KDM3B: variants seen among roughly 807,000 people sequenced by gnomAD.
KDM3B encodes lysine demethylase 3B.
In KDM3B, 10 loss-of-function variants were observed where a neutral mutation model predicts 170.0. The observed-to-expected ratio is 0.06, with a 90% CI of 0.04 to 0.10. The LOEUF (loss-of-function observed/expected upper bound fraction) is 0.10, where lower values mean the gene tolerates loss of function less well. Among genes scored for constraint, KDM3B ranks in the 10% least tolerant of loss-of-function variants. The pLI is 1.00. For missense variants in KDM3B, 1,394 were observed against 2,195.2 expected (o/e 0.64, Z 7.29); for synonymous variants, 831 against 834.8 (o/e 1.00, Z 0.08).
chr5:138,407,950 TC>T (rs1443809151), intron 11 of KDM3B, among the ~76,000 whole-genome samples: 3 of 152,194 alleles, frequency 2.0e-5, no homozygotes, highest in Non-Finnish European at 2.9e-5. Flanking sequence ...GGTAAGGTTT[TC>T]CATTTAATGA....
At position 138,427,958 on chromosome 5, in the gene KDM3B, C is replaced by G; in HGVS notation, c.4634-9C>G. The G allele has an allele frequency of 5.6e-6, 9 of 1,608,922 alleles. No individual in the cohort carries two copies. The highest frequency in any genetic ancestry group is 7.6e-6 in the Non-Finnish European group (9 of 1,177,774). On this transcript the variant is annotated splice_polypyrimidine_tract_variant and intron_variant, in intron 19 of 23. Coordinates refer to ENST00000314358, the MANE Select transcript of KDM3B (RefSeq NM_016604.4). ...CCCTTCACCTTGCATATTTTCCTTT[C>G]TCCTTTAGGGTTGATAACAGCAGAA...
chr5:138,427,483 T>C (rs1763426456), intron 19 of KDM3B, among the ~76,000 whole-genome samples, 164 bp downstream of exon 19: 1 of 152,232 alleles, frequency 6.6e-6, no homozygotes, highest in Non-Finnish European at 1.5e-5. Flanking sequence ...TTTTGTCATA[T>C]TGGTTTTCAT....
At chr5:138,375,261 T>G in intron 3 of KDM3B, 55 bp downstream of exon 3, 1 of 1,108,552 alleles carries the variant, frequency 9.0e-7, no homozygotes, top group Non-Finnish European at 1.4e-6. Flanking sequence ...TGCTAATTTC[T>G]TTGTTGATAT....
At position 138,391,222 on chromosome 5, in the gene KDM3B, G is replaced by T. The variant is rs777519036; in HGVS notation, c.1590G>T (p.Met530Ile). 1.9e-6 allele frequency: 3 copies of T among 1,613,958 alleles called. 1 individual carries two copies. The South Asian group carries it at 3.3e-5, about 18-fold the overall frequency. ...CCAAAAACTTGTTTTTTCAATGCAT[G>T]TCCCAAACTTTACCTACCAGTAACT... ...DLSKNLFFQC[M>I]SQTLPTSNYF... Residue 530 changes from methionine (M) to isoleucine (I), a missense_variant, in exon 8 of 24, where the codon ATG (methionine) becomes ATT (isoleucine). Physicochemically the swap from Met to Ile is conservative, Grantham distance 10. This residue lies in a region of KDM3B where 294 missense variants were observed against 311.7 expected (regional missense o/e 0.94). Coordinates refer to ENST00000314358, the MANE Select transcript of KDM3B (RefSeq NM_016604.4). This position sits in a 1 kb window ranked among gnomAD's most constrained non-coding sequence, Gnocchi z 5.0.
At chr5:138,399,238 G>T (rs1043276633) in intron 10 of KDM3B, among the ~76,000 whole-genome samples, 15 of 151,014 alleles carry the variant, frequency 9.9e-5, no homozygotes, top group Non-Finnish European at 2.2e-4. Context: ...AACTCCCCCA[G>T]TTAAAAATTT....
At chr5:138,381,372 G>A (rs1036605998) in intron 5 of KDM3B, 144 bp from the exon 6 acceptor site, 2 of 595,682 alleles carry the variant, frequency 3.4e-6, no homozygotes, top group African/African-American at 3.7e-5. Context: ...CAGTAAATGA[G>A]ACAGTAGAGA....
chr5:138,424,200 G>A lies in KDM3B; in HGVS notation c.4098G>A (p.Val1366=), dbSNP rs771965473. The change falls in exon 16 of 24, where the codon GTG becomes GTA. Residue 1366 remains valine (V), a synonymous_variant. Transcript: ENST00000314358. ...ACNLTDTQKE[V]KEMVMGLNVL... Reference sequence around the variant, plus strand: ...ACTTGACTGATACCCAGAAGGAAGTGAAGGAGATGGTGATGGGGTTAAATG... The same window carrying A: ...ACTTGACTGATACCCAGAAGGAAGTAAAGGAGATGGTGATGGGGTTAAATG... The A allele has an allele frequency of 2.1e-5, 34 of 1,614,026 alleles. No individual in the cohort carries two copies. In the African/African-American group the frequency reaches 4.1e-4, roughly 20 times the overall value.
At chr5:138,399,115 C>T (rs1236165618) in intron 10 of KDM3B, among the ~76,000 whole-genome samples, 5 of 151,552 alleles carry the variant, frequency 3.3e-5, no homozygotes, top group Admixed American at 6.6e-5. Flanking sequence ...GTCTCGATCT[C>T]CTGACCTCGT....
At chr5:138,415,035 A>G in intron 11 of KDM3B, 97 bp from the exon 12 acceptor site, 4 of 667,870 alleles carry the variant, frequency 6.0e-6, no homozygotes, top group Non-Finnish European at 1.0e-5. Flanking sequence ...TCCTTCAGCC[A>G]TGAGAAAATT....
At position 138,364,009 on chromosome 5, in the gene KDM3B, C is replaced by T. The variant is rs1375979468; in HGVS notation, c.193-8665C>T. On this transcript the variant is annotated intron_variant, in intron 1 of 23. Transcript: ENST00000314358. ...TGTGCTCACTGCAACCTCCGCCTCCCGACTTCAAGTCATTCTCCTTCCTCA... is the reference window on the plus strand; with the variant it reads ...TGTGCTCACTGCAACCTCCGCCTCCTGACTTCAAGTCATTCTCCTTCCTCA... Among the ~76,000 whole-genome samples the T allele has an allele frequency of 4.0e-5, 6 of 151,816 alleles. No individual in the cohort carries two copies. The East Asian group carries it at 5.8e-4, about 15-fold the overall frequency.
intron 1 of KDM3B, among the ~76,000 whole-genome samples, chr5:138,357,926 A>T (rs543569799): frequency 6.6e-6 from 1 of 151,728 alleles, no homozygotes; most frequent in Non-Finnish European, 1.5e-5. Flanking sequence ...ACCTCAGGTG[A>T]TCCACCCACC....
chr5:138,363,113 GA>G (rs1375346878), intron 1 of KDM3B, among the ~76,000 whole-genome samples: 2 of 151,926 alleles, frequency 1.3e-5, no homozygotes, highest in Non-Finnish European at 2.9e-5. Context: ...AAGGTAGAGG[GA>G]AAGTCTTCCA....
rs1580902363 is a variant in KDM3B at position 138,386,583 on chromosome 5, G to C, written c.1342G>C (p.Glu448Gln). ...TGGCCTTGCAGCAGGGACTGTGCCAGAAAAACAGAAAGGCAGCCGGTCGCA... is the reference window on the plus strand; with the variant it reads ...TGGCCTTGCAGCAGGGACTGTGCCACAAAAACAGAAAGGCAGCCGGTCGCA... ...DTGLAAGTVP[E>Q]KQKGSRSQAS... The change falls in exon 7 of 24, where the codon GAA becomes CAA. Residue 448 changes from glutamate (E) to glutamine (Q), a missense_variant. Around this residue, in one of 19 missense-constraint regions of KDM3B, gnomAD observed 205 missense variants for 227.6 expected, o/e 0.90. Coordinates refer to ENST00000314358, the MANE Select transcript of KDM3B (RefSeq NM_016604.4). The C allele has an allele frequency of 4.3e-6, 7 of 1,613,460 alleles. 1 individual carries two copies. The highest frequency in any genetic ancestry group is 1.7e-6 in the Non-Finnish European group (2 of 1,179,390).
intron 11 of KDM3B, among the ~76,000 whole-genome samples, chr5:138,402,756 A>C (rs757561306): frequency 1.3e-5 from 2 of 152,194 alleles, no homozygotes; most frequent in Non-Finnish European, 2.9e-5. Flanking sequence ...AAGGGAAAAA[A>C]CCAAGGTGAT....
chr5:138,393,480 C>T, intron 9 of KDM3B, 108 bp downstream of exon 9: 3 of 897,412 alleles, frequency 3.3e-6, no homozygotes, highest in East Asian at 5.3e-5. Flanking sequence ...TCTTTGCTTT[C>T]CTCAACTCCT....
chr5:138,382,195 C>T (rs1229985516), intron 6 of KDM3B, among the ~76,000 whole-genome samples: 1 of 152,136 alleles, frequency 6.6e-6, no homozygotes, highest in Non-Finnish European at 1.5e-5. Context: ...CGCCTGTAAT[C>T]CCAGCACTTT....
At chr5:138,422,100 T>G (rs971365914) in intron 15 of KDM3B, among the ~76,000 whole-genome samples, 3 of 152,218 alleles carry the variant, frequency 2.0e-5, no homozygotes, top group Non-Finnish European at 4.4e-5. Context: ...CCTTTCTTCA[T>G]ACATCACCCT....
intron 1 of KDM3B, among the ~76,000 whole-genome samples, chr5:138,368,292 G>A (rs1021252048): frequency 2.0e-5 from 3 of 151,222 alleles, no homozygotes; most frequent in Non-Finnish European, 4.4e-5. Context: ...GAGTACAGGG[G>A]CATGATCGTA....
chr5:138,421,385 A>G (rs981600193), intron 15 of KDM3B, among the ~76,000 whole-genome samples: 2 of 152,204 alleles, frequency 1.3e-5, no homozygotes, highest in Non-Finnish European at 1.5e-5. Context: ...GGTTGGTGGC[A>G]TCTCTGCCCT....
Sources: allele counts gnomAD v4.1 joint callset (sites outside exome capture counted in the v4.1 genomes callset), GRCh38; gene constraint gnomAD v4.1.1; regional missense constraint gnomAD v4.1.1; non-coding constraint Gnocchi (gnomAD v3.1); transcripts MANE v1.5; gene names NCBI Gene and HGNC (gene_info 2026-07-23, HGNC 2026-07-21).